CILP2: variants seen among roughly 807,000 people sequenced by gnomAD.
The protein encoded by CILP2 is cartilage intermediate layer protein 2, also known as CILP-2.
A neutral mutation model predicts 45.6 loss-of-function variants in CILP2; 38 were observed. The ratio of observed to expected loss-of-function variants is 0.83; its 90% confidence interval spans 0.64 to 1.09. The LOEUF (loss-of-function observed/expected upper bound fraction) is 1.09. Ranked by LOEUF, CILP2 falls within the 50% of genes least tolerant of loss-of-function variation. CILP2 has a pLI of 0.00. For synonymous variants in CILP2, 780 were observed against 723.5 expected (o/e 1.08, Z -1.25); for missense variants, 1,735 against 1,662.2 (o/e 1.04, Z -0.76).
In CILP2 at chr19:19,542,794, G is replaced by C; in HGVS notation, c.869-70G>C. Reference sequence around the variant, plus strand: ...GAGTCGGCATTTCTGGGAGAAAGGAGAGGATGGGGACGTTGCTCCTAGGAA... The same window carrying C: ...GAGTCGGCATTTCTGGGAGAAAGGACAGGATGGGGACGTTGCTCCTAGGAA... On this transcript the variant is annotated intron_variant, in intron 5 of 7. Transcript: ENST00000291495. 3 of 1,552,956 alleles carry C rather than the reference G, an allele frequency of 1.9e-6. No homozygotes were observed. In the South Asian group the frequency reaches 3.3e-5, roughly 17 times the overall value.
rs747272948 is a variant in CILP2, at chr19:19,544,995, A to G, written c.2450A>G (p.Glu817Gly). Reference sequence around the variant, plus strand: ...GTCACCGCCACCCTGGGCGGCGAGGAGCTGGAGCCGGCCCCTTCCTTGCCC... The same window carrying G: ...GTCACCGCCACCCTGGGCGGCGAGGGGCTGGAGCCGGCCCCTTCCTTGCCC... ...ALVTATLGGE[E>G]LEPAPSLPRP... Residue 817 changes from glutamate to glycine, a missense_variant, in exon 8 of 8, where the codon GAG becomes GGG. Transcript: ENST00000291495. 1 of 1,600,490 alleles carries G rather than the reference A, an allele frequency of 6.2e-7. No homozygotes were observed. The highest frequency in any genetic ancestry group is 1.3e-5 in the African/African-American group (1 of 74,958).
Position 19,543,930 on chromosome 19 carries a change from A to G in CILP2, c.1385A>G (p.Glu462Gly), listed in dbSNP as rs764497925. Residue 462 changes from glutamate (E) to glycine (G), a missense_variant, in exon 8 of 8, where the codon GAG becomes GGG. Glu to Gly is a moderately conservative substitution (Grantham distance 98). Coordinates refer to ENST00000291495, the MANE Select transcript of CILP2 (RefSeq NM_153221.2). Reference sequence around the variant, plus strand: ...GTCCTCCCAGTGAAGGTGGTGGCAGAGTGTGGCTGCCAGAAGTGTCTGCCC... The same window carrying G: ...GTCCTCCCAGTGAAGGTGGTGGCAGGGTGTGGCTGCCAGAAGTGTCTGCCC... The part of the protein sequence containing the change: ...GYVLPVKVVA[E>G]CGCQKCLPPR... 6.2e-7 allele frequency: 1 copy of G among 1,613,556 alleles called. No homozygotes were observed. Among genetic ancestry groups the G allele is most frequent in the East Asian group, 2.2e-5 (1 of 44,850 alleles).
At position 19,540,422 on chromosome 19, in the gene CILP2, C is replaced by T; in HGVS notation, c.382C>T (p.Gln128Ter). 1.3e-6 allele frequency: 2 copies of T among 1,489,986 alleles called. No individual in the cohort carries two copies. Among genetic ancestry groups the T allele is most frequent in the Non-Finnish European group, 1.8e-6 (2 of 1,125,606 alleles). The allele number at this position is 1,489,986 out of a possible 1,614,324, so 92.3% of individuals were successfully genotyped here. ...TRGFWCLNRE[Q>*]PRGRRCSNYH... ...CGGCTTCTGGTGCCTCAACCGCGAGCAACCGCGTGGCCGCCGCTGCTCCAA... is the reference window on the plus strand; with the variant it reads ...CGGCTTCTGGTGCCTCAACCGCGAGTAACCGCGTGGCCGCCGCTGCTCCAA... The change falls in exon 3 of 8, where the codon CAA (glutamine) becomes TAA (stop). Residue 128 changes from glutamine to a stop codon, truncating the protein, a stop_gained. Transcript: ENST00000291495. LOFTEE classifies it high-confidence loss of function.
In CILP2 at chr19:19,545,664, C is replaced by T. The variant is rs769764795; in HGVS notation, c.3119C>T (p.Ala1040Val). 52 of 1,610,080 alleles carry T rather than the reference C, an allele frequency of 3.2e-5. No homozygotes were observed. The highest frequency in any genetic ancestry group is 1.7e-4 in the Middle Eastern group (1 of 6,050). The change falls in exon 8 of 8, where the codon GCG (alanine) becomes GTG (valine). Residue 1040 changes from alanine to valine, a missense_variant. Physicochemically the swap from Ala to Val is moderately conservative, Grantham distance 64. Coordinates refer to ENST00000291495, the MANE Select transcript of CILP2 (RefSeq NM_153221.2). ...ACCCGGCACCCCCCACCGGTGCCCG[C>T]GGAGGACCCAGCTGCCTTCTCCATG... ...YLTRHPPPVPAEDPAAFSMLA... is the reference protein window; with the variant it reads ...YLTRHPPPVPVEDPAAFSMLA...
intron 5 of CILP2, 65 bp downstream of exon 5, chr19:19,542,715 G>C (rs34067609): frequency 6.3e-7 from 1 of 1,587,626 alleles, no homozygotes; most frequent in Non-Finnish European, 8.6e-7. Context: ...TCTAGCACTC[G>C]ATCAAGAGAG....
At position 19,544,514 on chromosome 19, in the gene CILP2, C is replaced by T; in HGVS notation, c.1969C>T (p.Gln657Ter). The T allele has an allele frequency of 6.3e-7, 1 of 1,597,072 alleles. No individual in the cohort carries two copies. ...TGCGCCCGGCTCCGCGGAGCAGCTGCAGGTGGGGCCGGTGGCCGTGCGGGT... is the reference window on the plus strand; with the variant it reads ...TGCGCCCGGCTCCGCGGAGCAGCTGTAGGTGGGGCCGGTGGCCGTGCGGGT... ...LRAPGSAEQL[Q>*]VGPVAVRVAA... Residue 657 changes from glutamine (Q) to a stop codon, truncating the protein, a stop_gained, in exon 8 of 8, where the codon CAG (glutamine) becomes TAG (stop). Coordinates refer to ENST00000291495, the MANE Select transcript of CILP2 (RefSeq NM_153221.2). LOFTEE classifies it low-confidence loss of function (END_TRUNC).
At position 19,540,331 on chromosome 19, in the gene CILP2, A is replaced by G. The variant is rs4808970; in HGVS notation, c.291A>G (p.Glu97=). 250,936 of 1,570,378 alleles carry G rather than the reference A, an allele frequency of 0.16. 20,926 individuals carry two copies. Among genetic ancestry groups the G allele is most frequent in the Middle Eastern group, 0.24 (1,442 of 5,916 alleles). The part of the protein sequence containing the change: ...ARVCPRPLAL[E]ARTTDWALPS... ...TGTGCCCGCGACCGCTGGCGCTGGA[A>G]GCGCGCACCACGGACTGGGCCCTGC... The change falls in exon 3 of 8, where the codon GAA becomes GAG. Residue 97 remains glutamate, a synonymous_variant. Transcript: ENST00000291495.
chr19:19,540,995 G>A lies in CILP2; in HGVS notation c.437-96G>A, dbSNP rs1015390640. On this transcript the variant is annotated intron_variant, in intron 3 of 7. Coordinates refer to ENST00000291495, the MANE Select transcript of CILP2 (RefSeq NM_153221.2). ...TCCGCCCTTGGATGCACATATGTGA[G>A]GGGGTTGGGGAAGAAGGGTCCTTTA... 6 of 1,114,514 alleles carry A rather than the reference G, an allele frequency of 5.4e-6. No individual in the cohort carries two copies. The African/African-American group carries it at 6.5e-5, about 12-fold the overall frequency. 69.0% of individuals were successfully genotyped at this position (1,114,514 alleles called of 1,614,324 possible). A position where few individuals can be genotyped will look rare whatever the true frequency, so the allele number is the denominator to read the frequency against.
chr19:19,540,502 G>A (rs1309184650), intron 3 of CILP2, 26 bp downstream of exon 3: 8 of 1,390,060 alleles, frequency 5.8e-6, no homozygotes, highest in African/African-American at 1.5e-5. Flanking sequence ...GATGACGGGG[G>A]CGGGGCTTTG....
chr19:19,539,943 T>A (rs1022185065), intron 2 of CILP2, among the ~76,000 whole-genome samples, 166 bp downstream of exon 2: 2 of 151,942 alleles, frequency 1.3e-5, no homozygotes, highest in Non-Finnish European at 2.9e-5. Context: ...AAGTTCAAGA[T>A]CTAAGTGAGA....
chr19:19,542,250 C>T (rs1324354017), intron 4 of CILP2, 125 bp from the exon 5 acceptor site: 3 of 1,028,562 alleles, frequency 2.9e-6, no homozygotes, highest in Non-Finnish European at 4.2e-6. Context: ...CATGCTGAGG[C>T]CTCTGAGAGG....
Position 19,544,394 on chromosome 19 carries a change from T to G in CILP2, c.1849T>G (p.Ser617Ala). The G allele has an allele frequency of 1.2e-6, 2 of 1,609,932 alleles. No individual in the cohort carries two copies. The highest frequency in any genetic ancestry group is 1.7e-6 in the Non-Finnish European group (2 of 1,179,428). ...VTFVDPRDLT[S>A]AASAPSDLRF... is the part of the protein sequence containing the mutation. ...GTTCGTGGACCCCCGAGACCTCACC[T>G]CGGCGGCGTCTGCCCCCAGTGACCT... Residue 617 changes from serine (S) to alanine (A), a missense_variant, in exon 8 of 8, where the codon TCG becomes GCG. Coordinates refer to ENST00000291495, the MANE Select transcript of CILP2 (RefSeq NM_153221.2).
rs1011560257 is a variant in CILP2, at chr19:19,543,486, A to T, written c.1135+81A>T. 4.6e-6 allele frequency: 7 copies of T among 1,537,726 alleles called. No homozygotes were observed. The African/African-American group carries it at 9.5e-5, about 21-fold the overall frequency. ...TGTAGCTAAGCTCAACCCCAAATGG[A>T]GCCCCCACTTCAGACTGATCCAATC... On this transcript the variant is annotated intron_variant, in intron 7 of 7. Coordinates refer to ENST00000291495, the MANE Select transcript of CILP2 (RefSeq NM_153221.2).
intron 2 of CILP2, 162 bp from the exon 3 acceptor site, chr19:19,540,042 T>A: frequency 3.0e-6 from 3 of 1,003,966 alleles, no homozygotes; most frequent in Non-Finnish European, 4.2e-6. Context: ...GGGAACCCAG[T>A]CTGCCCTGCA....
At chr19:19,539,275 G>T (rs1348861509) in intron 1 of CILP2, among the ~76,000 whole-genome samples, 1 of 152,050 alleles carries the variant, frequency 6.6e-6, no homozygotes, top group African/African-American at 2.4e-5. Flanking sequence ...TTAAAATGGG[G>T]ATCATGGGCC....
chr19:19,543,295 C>G lies in CILP2; in HGVS notation c.1025C>G (p.Ala342Gly). 1 of 1,613,698 alleles carries G rather than the reference C, an allele frequency of 6.2e-7. No individual in the cohort carries two copies. Among genetic ancestry groups the G allele is most frequent in the Non-Finnish European group, 8.5e-7 (1 of 1,179,992 alleles). Residue 342 changes from alanine (A) to glycine (G), a missense_variant, in exon 7 of 8, where the codon GCC becomes GGC. Transcript: ENST00000291495. Reference sequence around the variant, plus strand: ...GACAGGCGAGCTCATGGGTACGGGGCCCACCTGGAGCTGCGGGGACTGCGC... The same window carrying G: ...GACAGGCGAGCTCATGGGTACGGGGGCCACCTGGAGCTGCGGGGACTGCGC... ...LLDRRAHGYG[A>G]HLELRGLRPD...
chr19:19,543,185 G>T, intron 6 of CILP2, 63 bp from the exon 7 acceptor site: 1 of 1,545,712 alleles, frequency 6.5e-7, no homozygotes, highest in Non-Finnish European at 8.9e-7. Flanking sequence ...TCCCCAGCCT[G>T]CAGACTGGGG....
chr19:19,538,295 T>C lies in CILP2; in HGVS notation c.-55T>C, dbSNP rs1330613909. 4 of 1,510,784 alleles carry C rather than the reference T, an allele frequency of 2.6e-6. No homozygotes were observed. Among genetic ancestry groups the C allele is most frequent in the Non-Finnish European group, 3.6e-6 (4 of 1,126,506 alleles). The allele number at this position is 1,510,784 out of a possible 1,614,324, so 93.6% of individuals were successfully genotyped here. On this transcript the variant is annotated 5_prime_UTR_variant, in exon 1 of 8. Transcript: ENST00000291495. ...CAGCGGCCGCCAGACCCGCCGGAGT[T>C]GGACCCGAGCACGCCGCGGAGCCCG...
rs2061260941 is a variant in CILP2, at chr19:19,545,350, G to A, written c.2805G>A (p.Glu935=). The A allele has an allele frequency of 6.2e-7, 1 of 1,612,408 alleles. No homozygotes were observed. The highest frequency in any genetic ancestry group is 8.5e-7 in the Non-Finnish European group (1 of 1,179,802). Residue 935 remains glutamate, a synonymous_variant, in exon 8 of 8, where the codon GAG becomes GAA. Transcript: ENST00000291495. ...DLLAWWPNPQ[E]FRACFLKVKI... The stretch of plus-strand genomic sequence containing the variant: ...TGGCCTGGTGGCCCAACCCGCAGGA[G>A]TTCCGGGCCTGCTTCCTCAAGGTGA...
Sources: gnomAD v4.1 joint callset for allele counts (sites outside exome capture counted in the v4.1 genomes callset) on GRCh38, gnomAD v4.1.1 for gene constraint, MANE v1.5 for transcripts, NCBI Gene and HGNC (gene_info 2026-07-23, HGNC 2026-07-21) for gene names.